The following AKAP7 variants were observed in gnomAD, a reference collection of about 807,000 sequenced individuals.
The protein encoded by AKAP7 is A-kinase anchoring protein 7.
A neutral mutation model predicts 39.5 loss-of-function variants in AKAP7; 39 were observed. The observed-to-expected ratio is 0.99, with a 90% CI of 0.76 to 1.29. The LOEUF (loss-of-function observed/expected upper bound fraction) is 1.29, where lower values mean the gene tolerates loss of function less well. Among genes scored for constraint, AKAP7 ranks in the 50% most tolerant of loss-of-function variants. The pLI, the probability that AKAP7 is intolerant of heterozygous loss-of-function variation, is 0.00. For missense variants in AKAP7, 414 were observed against 407.7 expected (o/e 1.02, Z -0.13); for synonymous variants, 140 against 139.1 (o/e 1.01, Z -0.05).
At chr6:131,252,675 A>G (rs1007598610) in intron 7 of AKAP7, among the ~76,000 whole-genome samples, 13 of 152,236 alleles carry the variant, frequency 8.5e-5, no homozygotes. Context: ...CAAGGAACAT[A>G]TAAATTAGCA....
intron 2 of AKAP7, among the ~76,000 whole-genome samples, chr6:131,158,246 A>G (rs1802600302): frequency 6.6e-6 from 1 of 152,134 alleles, no homozygotes; most frequent in African/African-American, 2.4e-5. Flanking sequence ...TATCGTGTAA[A>G]ATAAGGGATT....
intron 6 of AKAP7, among the ~76,000 whole-genome samples, chr6:131,216,717 C>T (rs1809214358): frequency 6.6e-6 from 1 of 152,164 alleles, no homozygotes; most frequent in African/African-American, 2.4e-5. Context: ...ATATTCCATA[C>T]TTAACCTCCT....
rs185584360 is a variant in AKAP7 at position 131,277,868 on chromosome 6, A to G, written c.851-3662A>G. Among the ~76,000 whole-genome samples, 320 of 152,262 alleles carry G rather than the reference A, an allele frequency of 2.1e-3. 1 individual carries two copies. Among genetic ancestry groups the G allele is most frequent in the African/African-American group, 7.4e-3 (307 of 41,560 alleles). The stretch of plus-strand genomic sequence containing the variant: ...TATTGTTTTGATTGGTTGGTTGGTT[A>G]GTTAGTTATTATAAGTAGCTAATAT... On this transcript the variant is annotated intron_variant, in intron 7 of 7. Coordinates refer to ENST00000431975, the MANE Select transcript of AKAP7 (RefSeq NM_016377.4).
At chr6:131,253,692 T>G (rs1325132041) in intron 7 of AKAP7, among the ~76,000 whole-genome samples, 1 of 150,808 alleles carries the variant, frequency 6.6e-6, no homozygotes, top group Non-Finnish European at 1.5e-5. Flanking sequence ...ATTTATTTAT[T>G]TATAAGCTCC....
chr6:131,144,976 C>T (rs1184582233), intron 1 of AKAP7, among the ~76,000 whole-genome samples: 2 of 152,126 alleles, frequency 1.3e-5, no homozygotes, highest in South Asian at 2.1e-4. Context: ...CGTGAAAAAA[C>T]GTAGTTTTAG....
chr6:131,194,506 C>T (rs1404162713), intron 5 of AKAP7, among the ~76,000 whole-genome samples: 1 of 152,014 alleles, frequency 6.6e-6, no homozygotes, highest in Admixed American at 6.6e-5. Context: ...TATTCTGCAG[C>T]CATTGGATGA....
At chr6:131,220,919 C>T (rs1368383072) in intron 7 of AKAP7, among the ~76,000 whole-genome samples, 3 of 151,968 alleles carry the variant, frequency 2.0e-5, no homozygotes, top group Non-Finnish European at 4.4e-5. Context: ...ACTGCTCCAC[C>T]GAACAGCCAT....
intron 5 of AKAP7, among the ~76,000 whole-genome samples, chr6:131,191,775 C>G (rs917435537): frequency 1.3e-5 from 2 of 151,786 alleles, no homozygotes; most frequent in African/African-American, 2.4e-5. Context: ...GCTCCACCAG[C>G]ACTTTGGACA....
chr6:131,235,995 A>G (rs1811021205), intron 7 of AKAP7, among the ~76,000 whole-genome samples: 1 of 152,174 alleles, frequency 6.6e-6, no homozygotes, highest in South Asian at 2.1e-4. Context: ...TATGTCCTGA[A>G]TGGTATTGCC....
At chr6:131,271,205 G>A (rs966240559) in intron 7 of AKAP7, among the ~76,000 whole-genome samples, 2 of 152,050 alleles carry the variant, frequency 1.3e-5, no homozygotes, top group Non-Finnish European at 2.9e-5. Flanking sequence ...CAAAGCTCTC[G>A]TATTAGGTCT....
intron 7 of AKAP7, among the ~76,000 whole-genome samples, chr6:131,267,698 C>A (rs1585211631): frequency 6.6e-6 from 1 of 152,304 alleles, no homozygotes; most frequent in East Asian, 1.9e-4. Context: ...TTCCCTGGCC[C>A]ACTTGAGAAA....
intron 6 of AKAP7, among the ~76,000 whole-genome samples, chr6:131,218,286 A>G (rs1402975714): frequency 1.3e-5 from 2 of 152,242 alleles, no homozygotes; most frequent in Admixed American, 6.5e-5. Flanking sequence ...GCAATGAAGT[A>G]CTATGGAGAA....
At chr6:131,248,120 G>A (rs991916320) in intron 7 of AKAP7, among the ~76,000 whole-genome samples, 1 of 152,204 alleles carries the variant, frequency 6.6e-6, no homozygotes, top group African/African-American at 2.4e-5. Context: ...AAAATTGGAA[G>A]AGCAGGAGGC....
intron 5 of AKAP7, among the ~76,000 whole-genome samples, chr6:131,189,326 T>C (rs1447919473): frequency 6.6e-6 from 1 of 152,238 alleles, no homozygotes; most frequent in African/African-American, 2.4e-5. Context: ...TTTAGTAATA[T>C]AATGAACTTA....
chr6:131,137,584 G>T (rs954394096), intron 1 of AKAP7: 1 of 151,892 alleles, frequency 6.6e-6, no homozygotes, highest in Non-Finnish European at 1.5e-5. Context: ...GGGTTTCACC[G>T]TGTTAGTGAG....
intron 7 of AKAP7, among the ~76,000 whole-genome samples, chr6:131,257,860 C>G (rs1812994058): frequency 6.6e-6 from 1 of 152,108 alleles, no homozygotes; most frequent in South Asian, 2.1e-4. Context: ...GTAAATCCTC[C>G]CTTTTTTCTT....
chr6:131,130,842 T>C (rs1360974434), upstream of AKAP7, among the ~76,000 whole-genome samples: 2 of 152,236 alleles, frequency 1.3e-5, no homozygotes, highest in African/African-American at 4.8e-5. Flanking sequence ...CACAAAGGAC[T>C]GGCGTCTTGG....
intron 7 of AKAP7, among the ~76,000 whole-genome samples, chr6:131,248,464 A>G (rs1454230957): frequency 1.3e-5 from 2 of 152,352 alleles, no homozygotes; most frequent in East Asian, 3.9e-4. Flanking sequence ...TTCACTGAAC[A>G]CAAAAAGTAA....
chr6:131,126,773 C>T, the AKAP7 span, among the ~76,000 whole-genome samples: 3 of 152,146 alleles, frequency 2.0e-5, no homozygotes, highest in Non-Finnish European at 4.4e-5. Context: ...CATTAGCCTT[C>T]CCTGCTCATG....
Sources: gnomAD v4.1 joint callset for allele counts (sites outside exome capture counted in the v4.1 genomes callset) on GRCh38, gnomAD v4.1.1 for gene constraint, MANE v1.5 for transcripts, NCBI Gene and HGNC (gene_info 2026-07-23, HGNC 2026-07-21) for gene names.